The following NRXN1 variants were observed in gnomAD, a reference collection of about 807,000 sequenced individuals.
NRXN1 encodes neurexin-1.
NRXN1 carries 39 observed loss-of-function variants against 150.9 expected under a neutral mutation model. That is an observed-to-expected ratio of 0.26 (90% CI 0.20 to 0.34). The LOEUF (loss-of-function observed/expected upper bound fraction) is 0.34, where lower values mean the gene tolerates loss of function less well. NRXN1 is among the 10% of genes least tolerant of loss of function. NRXN1 has a pLI of 1.00. For missense variants in NRXN1, 1,815 were observed against 1,949.9 expected, an observed-to-expected ratio of 0.93 and a Z score of 1.30; for synonymous variants, 924 against 757.0, an observed-to-expected ratio of 1.22 and a Z score of -3.62.
intron 17 of NRXN1, among the ~76,000 whole-genome samples, chr2:50,359,707 T>A (rs2079057644): frequency 6.6e-6 from 1 of 151,988 alleles, no homozygotes; most frequent in Non-Finnish European, 1.5e-5. Context: ...CAGGAGAACT[T>A]GCCCAACCCG....
chr2:50,511,300 C>T (rs1425148483), intron 12 of NRXN1, among the ~76,000 whole-genome samples: 1 of 152,154 alleles, frequency 6.6e-6, no homozygotes, highest in Non-Finnish European at 1.5e-5. Context: ...TGATCTCTGC[C>T]AGCCTTGGCC....
intron 16 of NRXN1, among the ~76,000 whole-genome samples, chr2:50,468,214 A>G (rs949367132): frequency 6.6e-6 from 1 of 151,658 alleles, no homozygotes; most frequent in African/African-American, 2.4e-5. Flanking sequence ...TCAGAAATGC[A>G]ATTGAGAAAC....
At chr2:50,381,669 G>T (rs1312316347) in intron 17 of NRXN1, among the ~76,000 whole-genome samples, 4 of 151,874 alleles carry the variant, frequency 2.6e-5, no homozygotes, top group Non-Finnish European at 1.5e-5. Context: ...ATACTATTAG[G>T]TTGGTGGAAA....
intron 8 of NRXN1, among the ~76,000 whole-genome samples, chr2:50,588,466 G>A (rs1673536326): frequency 6.6e-6 from 1 of 152,110 alleles, no homozygotes; most frequent in African/African-American, 2.4e-5. Context: ...AGTATAGGAA[G>A]TAACTAACAG....
At chr2:50,194,275 C>A (rs559199695) in intron 18 of NRXN1, among the ~76,000 whole-genome samples, 12 of 152,208 alleles carry the variant, frequency 7.9e-5, no homozygotes, top group African/African-American at 2.9e-4. Context: ...AACAGTTTAG[C>A]TTGAGAGCTG....
At chr2:50,630,199 T>C (rs1288569497) in intron 5 of NRXN1, among the ~76,000 whole-genome samples, 1 of 151,684 alleles carries the variant, frequency 6.6e-6, no homozygotes. Flanking sequence ...TTTTTTGATA[T>C]AAAAACAAAC....
At chr2:49,928,782 A>T (rs1669594322) in intron 22 of NRXN1, among the ~76,000 whole-genome samples, 1 of 152,170 alleles carries the variant, frequency 6.6e-6, no homozygotes. Context: ...GACATGCATT[A>T]ATTTCGACTC....
In NRXN1 at chr2:50,108,743, C is replaced by T. The variant is rs1265169433; in HGVS notation, c.3547-17249G>A. Among the ~76,000 whole-genome samples the T allele has an allele frequency of 3.3e-5, 5 of 152,206 alleles. No homozygotes were observed. In the South Asian group the frequency reaches 1.0e-3, roughly 32 times the overall value. ...CCAACTGCCAACATCATGCTTAACA[C>T]TAAAAGCGTTCCCAATGAAGTAAAA... On this transcript the variant is annotated intron_variant, in intron 18 of 22. Transcript: ENST00000401669.
At chr2:50,351,518 A>G (rs756309725) in intron 17 of NRXN1, among the ~76,000 whole-genome samples, 2 of 152,142 alleles carry the variant, frequency 1.3e-5, no homozygotes, top group Non-Finnish European at 2.9e-5. Flanking sequence ...TCCTTTGTGA[A>G]ATTATTAATA....
intron 18 of NRXN1, among the ~76,000 whole-genome samples, chr2:50,198,904 A>G (rs1468092035): frequency 6.6e-6 from 1 of 152,134 alleles, no homozygotes; most frequent in Non-Finnish European, 1.5e-5. Flanking sequence ...CAAAGAGGAA[A>G]GGCCTAATTT....
At chr2:50,870,870 T>A (rs1677675989) in intron 5 of NRXN1, among the ~76,000 whole-genome samples, 1 of 151,884 alleles carries the variant, frequency 6.6e-6, no homozygotes, top group Admixed American at 6.6e-5. Context: ...AGGACCTATG[T>A]CTTGGACTTC....
intron 5 of NRXN1, among the ~76,000 whole-genome samples, chr2:50,840,525 A>G (rs1451026219): frequency 6.6e-6 from 1 of 152,112 alleles, no homozygotes; most frequent in Non-Finnish European, 1.5e-5. Flanking sequence ...GCCTCAAGGA[A>G]AAACACGTCT....
rs1023518417 is a variant in NRXN1 at position 50,144,041 on chromosome 2, G to C, written c.3547-52547C>G. ...CTGTGAAAGCTACTGAAATAATCTT[G>C]GTTTCTTCAGTAAGAAATAAATTAT... is the stretch of plus-strand genomic sequence containing the variant. On this transcript the variant is annotated intron_variant, in intron 18 of 22. Transcript: ENST00000401669. 7.2e-5 allele frequency among the ~76,000 whole-genome samples: 11 copies of C among 151,830 alleles called. No homozygotes were observed. The East Asian group carries it at 9.7e-4, about 13-fold the overall frequency.
intron 8 of NRXN1, among the ~76,000 whole-genome samples, chr2:50,605,996 C>G (rs1180177962): frequency 6.6e-6 from 1 of 152,022 alleles, no homozygotes; most frequent in Non-Finnish European, 1.5e-5. Flanking sequence ...AGCCTGTAAT[C>G]CTAGCACTTT....
intron 5 of NRXN1, among the ~76,000 whole-genome samples, chr2:50,869,988 T>C (rs1677523544): frequency 6.6e-6 from 1 of 151,902 alleles, no homozygotes; most frequent in African/African-American, 2.4e-5. Flanking sequence ...TTAAATGCTT[T>C]TTGGCTTTTA....
At chr2:50,870,002 T>C (rs1017292196) in intron 5 of NRXN1, among the ~76,000 whole-genome samples, 1 of 151,922 alleles carries the variant, frequency 6.6e-6, no homozygotes, top group African/African-American at 2.4e-5. Flanking sequence ...GCTTTTAAAA[T>C]AACTTATTAG....
rs2065487512 is a variant in NRXN1 at position 50,236,879 on chromosome 2, C to A, written c.3456G>T (p.Leu1152=). 1 of 1,613,234 alleles carries A rather than the reference C, an allele frequency of 6.2e-7. No homozygotes were observed. Among genetic ancestry groups the A allele is most frequent in the Non-Finnish European group, 8.5e-7 (1 of 1,179,656 alleles). ...NDRPSTRADR[L]AIGFSTVQKE... Reference sequence around the variant, plus strand: ...TCTGAACAGTGCTAAAACCTATGGCCAGTCTGTCTGCTCGTGTACTGGGTC... The same window carrying A: ...TCTGAACAGTGCTAAAACCTATGGCAAGTCTGTCTGCTCGTGTACTGGGTC... The change falls in exon 18 of 23, where the codon CTG becomes CTT. Residue 1152 remains leucine, a synonymous_variant. Transcript: ENST00000401669.
At chr2:50,604,175 G>C (rs1676727243) in intron 8 of NRXN1, among the ~76,000 whole-genome samples, 1 of 152,184 alleles carries the variant, frequency 6.6e-6, no homozygotes, top group African/African-American at 2.4e-5. Flanking sequence ...ATTCTATGCA[G>C]AGTTTTCTAG....
intron 18 of NRXN1, among the ~76,000 whole-genome samples, chr2:50,182,119 T>TG (rs1216542912): frequency 6.6e-6 from 1 of 151,402 alleles, no homozygotes; most frequent in Non-Finnish European, 1.5e-5. Context: ...TCCTTTTTTT[T>TG]TTTTTTACTT....
Sources: allele counts gnomAD v4.1 joint callset (sites outside exome capture counted in the v4.1 genomes callset), GRCh38; gene constraint gnomAD v4.1.1; transcripts MANE v1.5; gene names NCBI Gene and HGNC (gene_info 2026-07-23, HGNC 2026-07-21).